CD44: variants seen among roughly 807,000 people sequenced by gnomAD.
CD44 encodes the protein CD44 molecule (IN blood group), also known as CD44 antigen.
CD44 carries 49 observed loss-of-function variants against 88.8 expected under a neutral mutation model. The observed-to-expected ratio is 0.55, with a 90% CI of 0.44 to 0.70. The LOEUF is 0.70. CD44 is among the 30% of genes least tolerant of loss of function. The pLI, the probability that CD44 is intolerant of heterozygous loss-of-function variation, is 0.00. For missense variants in CD44, 883 were observed against 913.8 expected, an observed-to-expected ratio of 0.97 and a Z score of 0.43; for synonymous variants, 325 against 312.3, an observed-to-expected ratio of 1.04 and a Z score of -0.43.
intron 1 of CD44, among the ~76,000 whole-genome samples, chr11:35,145,771 G>A (rs187612212): frequency 2.0e-5 from 3 of 152,314 alleles, no homozygotes; most frequent in African/African-American, 7.2e-5. Context: ...AGAAGTAGAA[G>A]TACTATATGG....
intron 1 of CD44, among the ~76,000 whole-genome samples, chr11:35,148,335 C>T (rs1467219730): frequency 6.6e-6 from 1 of 152,218 alleles, no homozygotes; most frequent in Non-Finnish European, 1.5e-5. Flanking sequence ...GTCAGCTCCG[C>T]AGCCACCAGT....
At chr11:35,151,425 G>A (rs527957618) in intron 1 of CD44, among the ~76,000 whole-genome samples, 1 of 152,258 alleles carries the variant, frequency 6.6e-6, no homozygotes, top group East Asian at 1.9e-4. Flanking sequence ...AAAGAACTTT[G>A]GCAACTTTGC....
chr11:35,158,899 C>T (rs1327377804), intron 1 of CD44, among the ~76,000 whole-genome samples: 1 of 152,218 alleles, frequency 6.6e-6, no homozygotes, highest in Non-Finnish European at 1.5e-5. Context: ...TGCACAATTA[C>T]AGTCAATCCC....
chr11:35,222,446 A>G, intron 17 of CD44: 25 of 1,277,040 alleles, frequency 2.0e-5, no homozygotes, highest in Non-Finnish European at 2.6e-5. Context: ...AGGTCTATGA[A>G]GCAGAGAAGA....
intron 1 of CD44, among the ~76,000 whole-genome samples, chr11:35,161,074 T>C (rs139054608): frequency 1.7e-3 from 259 of 152,316 alleles, no homozygotes; most frequent in Non-Finnish European, 2.9e-3. Context: ...ATACTGAAAG[T>C]GGTTGACCAG....
intron 4 of CD44, among the ~76,000 whole-genome samples, chr11:35,189,023 T>C (rs1182968276): frequency 6.6e-6 from 1 of 151,454 alleles, no homozygotes; most frequent in East Asian, 1.9e-4. Flanking sequence ...CAGCAGAAAA[T>C]AATTTCATCT....
At chr11:35,207,696 AG>A (rs112458000) in intron 11 of CD44, among the ~76,000 whole-genome samples, 11 of 152,316 alleles carry the variant, frequency 7.2e-5, no homozygotes, top group African/African-American at 2.6e-4. Context: ...TATTTTTAAA[AG>A]TCCCTTTGGT....
chr11:35,188,701 G>C (rs560456026), intron 4 of CD44, among the ~76,000 whole-genome samples: 4 of 152,180 alleles, frequency 2.6e-5, no homozygotes, highest in African/African-American at 9.6e-5. Flanking sequence ...ACTTTGGGAG[G>C]CTGAGGCAGG....
At chr11:35,157,418 C>T (rs1942044478) in intron 1 of CD44, among the ~76,000 whole-genome samples, 1 of 151,958 alleles carries the variant, frequency 6.6e-6, no homozygotes, top group Non-Finnish European at 1.5e-5. Flanking sequence ...ATATATCTAT[C>T]TCTATCTATT....
intron 1 of CD44, among the ~76,000 whole-genome samples, chr11:35,169,911 C>G (rs1415325976): frequency 6.6e-6 from 1 of 152,304 alleles, no homozygotes; most frequent in Non-Finnish European, 1.5e-5. Flanking sequence ...GACTTTCCCA[C>G]TTGGATGACA....
Position 35,229,301 on chromosome 11 carries a change from C to A in CD44, c.2197C>A (p.Leu733Met), listed in dbSNP as rs1949941844. 6.2e-7 allele frequency: 1 copy of A among 1,613,610 alleles called. No individual in the cohort carries two copies. The highest frequency in any genetic ancestry group is 1.7e-5 in the Admixed American group (1 of 60,014). The change falls in exon 18 of 18, where the codon CTG becomes ATG. Residue 733 changes from leucine (L) to methionine (M), a missense_variant. Transcript: ENST00000428726. ...QFMTADETRN[L>M]QNVDMKIGV ...TATGACAGCTGATGAGACAAGGAAC[C>A]TGCAGAATGTGGACATGAAGATTGG...
intron 1 of CD44, among the ~76,000 whole-genome samples, chr11:35,144,848 G>A (rs1333910782): frequency 6.6e-6 from 1 of 152,178 alleles, no homozygotes; most frequent in African/African-American, 2.4e-5. Flanking sequence ...TTTGCATAAA[G>A]AAATTCACAT....
intron 3 of CD44, among the ~76,000 whole-genome samples, chr11:35,184,817 G>A (rs1030504620): frequency 2.6e-5 from 4 of 152,172 alleles, no homozygotes; most frequent in African/African-American, 9.7e-5. Context: ...ACCATTTAAG[G>A]ATAATCTAAA....
intron 3 of CD44, among the ~76,000 whole-genome samples, chr11:35,181,935 AATT>A (rs1386241434): frequency 4.3e-5 from 2 of 46,918 alleles, no homozygotes; most frequent in Admixed American, 3.5e-4. Flanking sequence ...ATTATATATA[AATT>A]ATATATAATA....
chr11:35,177,469 T>C lies in CD44; in HGVS notation c.233+729T>C, dbSNP rs1944585958. ...ATCACAGTGAATTGTTGTGGTTCGA[T>C]TTGTTTTCACTAGAAGAGGACTGAG... On this transcript the variant is annotated intron_variant, in intron 2 of 17. Coordinates refer to ENST00000428726, the MANE Select transcript of CD44 (RefSeq NM_000610.4). 2.6e-5 allele frequency among the ~76,000 whole-genome samples: 4 copies of C among 152,230 alleles called. No homozygotes were observed. In the South Asian group the frequency reaches 8.3e-4, roughly 31 times the overall value.
rs528717872 is a variant in CD44 at position 35,153,597 on chromosome 11, G to A, written c.67+14227G>A. On this transcript the variant is annotated intron_variant, in intron 1 of 17. Transcript: ENST00000428726. The stretch of plus-strand genomic sequence containing the variant: ...ATATCTGTGCTCTGCTAGGCACTGG[G>A]GATACCACTGTAGACAAGAGAGGCA... 4.6e-5 allele frequency among the ~76,000 whole-genome samples: 7 copies of A among 152,238 alleles called. 1 individual carries two copies. In the South Asian group the frequency reaches 1.2e-3, roughly 27 times the overall value.
intron 1 of CD44, among the ~76,000 whole-genome samples, chr11:35,143,297 A>G (rs1858383441): frequency 6.6e-6 from 1 of 151,544 alleles, no homozygotes; most frequent in Admixed American, 6.6e-5. Context: ...CTGTGGTACC[A>G]TATGGTCCTG....
At position 35,189,869 on chromosome 11, in the gene CD44, G is replaced by A; in HGVS notation, c.471G>A (p.Gln157=). The A allele has an allele frequency of 6.2e-7, 1 of 1,614,096 alleles. No homozygotes were observed. ...ACCGTGATGGCACCCGCTATGTCCA[G>A]AAAGGAGAATACAGAACGAATCCTG... ...IVNRDGTRYV[Q]KGEYRTNPED... is the part of the protein sequence containing the mutation. The change falls in exon 5 of 18, where the codon CAG becomes CAA. Residue 157 remains glutamine, a synonymous_variant. Transcript: ENST00000428726.
intron 2 of CD44, among the ~76,000 whole-genome samples, chr11:35,179,903 C>T (rs1480258827): frequency 1.3e-5 from 2 of 152,144 alleles, no homozygotes; most frequent in Non-Finnish European, 2.9e-5. Context: ...TGAAGGTATT[C>T]CAGAGCCAGC....
Sources: gnomAD v4.1 joint callset for allele counts (sites outside exome capture counted in the v4.1 genomes callset) on GRCh38, gnomAD v4.1.1 for gene constraint, MANE v1.5 for transcripts, NCBI Gene and HGNC (gene_info 2026-07-23, HGNC 2026-07-21) for gene names.